CDON: variants seen among roughly 807,000 people sequenced by gnomAD.
CDON encodes the protein cell adhesion associated, oncogene regulated.
Under a neutral mutation model 120.9 loss-of-function variants are expected in CDON, and 73 were observed. That is an observed-to-expected ratio of 0.60 (90% CI 0.50 to 0.73). The LOEUF (loss-of-function observed/expected upper bound fraction) is 0.73. Among genes scored for constraint, CDON ranks in the 30% least tolerant of loss-of-function variants. CDON has a pLI of 0.00. For synonymous variants in CDON, 566 were observed against 573.5 expected, an observed-to-expected ratio of 0.99 and a Z score of 0.19; for missense variants, 1,470 against 1,587.3, an observed-to-expected ratio of 0.93 and a Z score of 1.26.
chr11:126,061,634 T>A (rs1234263457), intron 1 of CDON, among the ~76,000 whole-genome samples: 1 of 152,238 alleles, frequency 6.6e-6, no homozygotes, highest in Non-Finnish European at 1.5e-5. Flanking sequence ...TTCACTGACT[T>A]GGCGTCTTTC....
chr11:126,017,454 C>T lies in CDON; in HGVS notation c.641-79G>A, dbSNP rs1947504484. On this transcript the variant is annotated intron_variant, in intron 5 of 19. Coordinates refer to ENST00000531738, the MANE Select transcript of CDON (RefSeq NM_001378964.1). ...TTGCTTAGCAAACCTGTGGGCATCA[C>T]CATTTTCCCATGTATTCTTTATACT... 5 of 1,320,646 alleles carry T rather than the reference C, an allele frequency of 3.8e-6. No individual in the cohort carries two copies. In the South Asian group the frequency reaches 4.9e-5, roughly 13 times the overall value. 81.8% of individuals were successfully genotyped at this position (1,320,646 alleles called of 1,614,324 possible).
chr11:125,995,140 C>T (rs1946746325), intron 12 of CDON, 88 bp from the exon 13 acceptor site: 2 of 1,095,140 alleles, frequency 1.8e-6, no homozygotes, highest in Non-Finnish European at 2.7e-6. Context: ...GCAGAATAGT[C>T]AAAATATGGC....
chr11:125,971,345 T>C (rs1366294376), intron 18 of CDON, among the ~76,000 whole-genome samples: 1 of 151,844 alleles, frequency 6.6e-6, no homozygotes, highest in African/African-American at 2.4e-5. Context: ...ATCGCACCAC[T>C]GCACTCCAGC....
chr11:126,022,712 A>G (rs2134702789), intron 2 of CDON, among the ~76,000 whole-genome samples: 1 of 152,358 alleles, frequency 6.6e-6, no homozygotes, highest in South Asian at 2.1e-4. Context: ...TAAAACCACA[A>G]AACCAATTTT....
intron 8 of CDON, among the ~76,000 whole-genome samples, chr11:126,008,120 C>T (rs1013923175): frequency 6.6e-6 from 1 of 152,142 alleles, no homozygotes; most frequent in Non-Finnish European, 1.5e-5. Context: ...GAAACCCGCA[C>T]CAACTCTCAT....
chr11:126,023,564 T>C (rs1947699349), intron 1 of CDON, 27 bp from the exon 2 acceptor site: 1 of 977,758 alleles, frequency 1.0e-6, no homozygotes, highest in Non-Finnish European at 1.7e-6. Context: ...AAAGAAAATC[T>C]AAACCATTGA....
chr11:126,015,418 G>A lies in CDON; in HGVS notation c.1021C>T (p.Pro341Ser). 6.2e-7 allele frequency: 1 copy of A among 1,614,148 alleles called. No individual in the cohort carries two copies. Among genetic ancestry groups the A allele is most frequent in the Non-Finnish European group, 8.5e-7 (1 of 1,180,016 alleles). ...GCATTGTGAAACCAGGTACAGTTGG[G>A]GGCTGGGTTCCCATGAACGTCGCAG... ...FTCDVHGNPA[P>S]NCTWFHNAQP... Residue 341 changes from proline (P) to serine (S), a missense_variant, in exon 7 of 20, where the codon CCC becomes TCC. By Grantham distance (74) the Pro-to-Ser change is moderately conservative. Coordinates refer to ENST00000531738, the MANE Select transcript of CDON (RefSeq NM_001378964.1).
intron 3 of CDON, 37 bp from the exon 4 acceptor site, chr11:126,019,802 C>A (rs755469308): frequency 2.6e-6 from 4 of 1,568,302 alleles, no homozygotes; most frequent in Non-Finnish European, 1.7e-6. Flanking sequence ...TAAATACATG[C>A]AAATTTGAAT....
At chr11:126,033,362 G>C (rs1266316043) in intron 1 of CDON, among the ~76,000 whole-genome samples, 3 of 152,120 alleles carry the variant, frequency 2.0e-5, no homozygotes, top group African/African-American at 7.2e-5. Context: ...GCTCTTAAGA[G>C]ATTTGGGTCG....
chr11:126,042,703 C>A (rs955874385), intron 1 of CDON, among the ~76,000 whole-genome samples: 16 of 152,326 alleles, frequency 1.1e-4, no homozygotes, highest in East Asian at 9.6e-4. Context: ...TTCACTACAA[C>A]CTCCGCCTCC....
At chr11:125,980,464 G>A (rs749694301) in intron 17 of CDON, among the ~76,000 whole-genome samples, 3 of 152,194 alleles carry the variant, frequency 2.0e-5, no homozygotes, top group Admixed American at 6.5e-5. Flanking sequence ...CATGGCCTAC[G>A]TATGTTTTCA....
chr11:126,009,198 A>G (rs2134620222), intron 8 of CDON, among the ~76,000 whole-genome samples: 1 of 152,356 alleles, frequency 6.6e-6, no homozygotes, highest in South Asian at 2.1e-4. Context: ...GATAAGGGGA[A>G]GTCCCTGGTC....
intron 1 of CDON, among the ~76,000 whole-genome samples, chr11:126,062,033 A>G (rs1013631689): frequency 6.6e-5 from 10 of 152,268 alleles, no homozygotes; most frequent in African/African-American, 2.4e-4. Context: ...TAATGTATTT[A>G]GCAAATGATA....
intron 18 of CDON, among the ~76,000 whole-genome samples, chr11:125,971,974 G>A (rs1410244546): frequency 6.6e-6 from 1 of 152,164 alleles, no homozygotes; most frequent in Non-Finnish European, 1.5e-5. Context: ...GAAAGCTTTC[G>A]ATGTTTTTTG....
At chr11:126,004,119 G>C in intron 9 of CDON, 43 bp from the exon 10 acceptor site, 1 of 1,592,038 alleles carries the variant, frequency 6.3e-7, no homozygotes, top group East Asian at 2.2e-5. Context: ...GCAGGAGATG[G>C]AGGATAGGAA....
rs1948032035 is a variant in CDON at position 126,034,274 on chromosome 11, A to G, written c.-61-10737T>C. Reference sequence around the variant, plus strand: ...CGTGGACTGCCAAAAGTAGAGGAAGAAAATGGAAGTGACTTGGAGTTATGG... The same window carrying G: ...CGTGGACTGCCAAAAGTAGAGGAAGGAAATGGAAGTGACTTGGAGTTATGG... On this transcript the variant is annotated intron_variant, in intron 1 of 19. Transcript: ENST00000531738. This position sits in a 1 kb window ranked among gnomAD's most constrained non-coding sequence, Gnocchi z 4.5. 2.0e-5 allele frequency among the ~76,000 whole-genome samples: 3 copies of G among 152,214 alleles called. No individual in the cohort carries two copies. Among genetic ancestry groups the G allele is most frequent in the Admixed American group, 2.0e-4 (3 of 15,288 alleles).
At chr11:126,005,302 A>T in intron 9 of CDON, 1 of 97,576 alleles carries the variant, frequency 1.0e-5, no homozygotes, top group Non-Finnish European at 2.1e-5. Context: ...ACCCTGTCTC[A>T]AAAAAAAAAA....
intron 17 of CDON, 128 bp downstream of exon 17, chr11:125,980,921 C>A: frequency 2.3e-6 from 2 of 886,660 alleles, no homozygotes; most frequent in Non-Finnish European, 3.7e-6. Context: ...TGCCAGTGAT[C>A]CATGCTGTTT....
intron 4 of CDON, among the ~76,000 whole-genome samples, 158 bp from the exon 5 acceptor site, chr11:126,018,631 T>TA (rs1332196854): frequency 1.3e-5 from 2 of 152,096 alleles, no homozygotes; most frequent in African/African-American, 4.8e-5. Flanking sequence ...TACAGTGGCA[T>TA]AAGCATGGCT....
Sources: allele counts gnomAD v4.1 joint callset (sites outside exome capture counted in the v4.1 genomes callset), GRCh38; gene constraint gnomAD v4.1.1; non-coding constraint Gnocchi (gnomAD v3.1); transcripts MANE v1.5; gene names NCBI Gene and HGNC (gene_info 2026-07-23, HGNC 2026-07-21).